The following CHRDL1 variants were observed in gnomAD, a reference collection of about 807,000 sequenced individuals.
CHRDL1 encodes the protein chordin-like protein 1.
A neutral mutation model predicts 40.9 loss-of-function variants in CHRDL1; 19 were observed. The ratio of observed to expected loss-of-function variants is 0.46; its 90% CI spans 0.32 to 0.68. The LOEUF (loss-of-function observed/expected upper bound fraction) is 0.68, where lower values mean the gene tolerates loss of function less well. Among genes scored for constraint, CHRDL1 ranks in the 30% least tolerant of loss-of-function variants. CHRDL1 has a pLI of 0.03. For synonymous variants in CHRDL1, 136 were observed against 123.4 expected (o/e 1.10, Z -0.68); for missense variants, 329 against 352.1 (o/e 0.93, Z 0.53).
chrX:110,701,775 C>T (rs2070519248), intron 6 of CHRDL1, among the ~76,000 whole-genome samples: 1 of 111,425 alleles, frequency 9.0e-6, no homozygotes, highest in South Asian at 3.8e-4. Flanking sequence ...GATGATGCTA[C>T]TGCATTCCAG....
At chrX:110,762,423 T>C (rs997195880) in intron 3 of CHRDL1, among the ~76,000 whole-genome samples, 57 of 111,397 alleles carry the variant, frequency 5.1e-4, no homozygotes, top group Non-Finnish European at 2.3e-4. Flanking sequence ...ACAACAGGCA[T>C]GTGCCACCAT....
intron 11 of CHRDL1, 89 bp from the exon 12 acceptor site, chrX:110,676,450 C>A: frequency 1.2e-6 from 1 of 865,040 alleles, no homozygotes; most frequent in Non-Finnish European, 1.6e-6. Flanking sequence ...CCCATGCTTA[C>A]CCACTTACTC....
At chrX:110,748,991 A>G (rs756169380) in intron 4 of CHRDL1, among the ~76,000 whole-genome samples, 2 of 111,721 alleles carry the variant, frequency 1.8e-5, no homozygotes, top group Non-Finnish European at 3.8e-5. Flanking sequence ...ACAAGAAAAT[A>G]ATCACAAATT....
chrX:110,751,805 A>G (rs1255219197), intron 4 of CHRDL1, among the ~76,000 whole-genome samples: 1 of 111,927 alleles, frequency 8.9e-6, no homozygotes, highest in Non-Finnish European at 1.9e-5. Flanking sequence ...CAGTGTATTA[A>G]AGGGATAGCT....
chrX:110,695,626 T>C (rs1338777865), intron 7 of CHRDL1, among the ~76,000 whole-genome samples: 1 of 112,115 alleles, frequency 8.9e-6, no homozygotes, highest in African/African-American at 3.3e-5. Context: ...TCACAGGCAA[T>C]TGAAAAGGAA....
intron 6 of CHRDL1, among the ~76,000 whole-genome samples, chrX:110,712,387 C>T (rs2070761744): frequency 9.0e-6 from 1 of 111,139 alleles, no homozygotes; most frequent in Non-Finnish European, 1.9e-5. Context: ...TAGGAAGAAA[C>T]ATAGCATGTA....
intron 7 of CHRDL1, among the ~76,000 whole-genome samples, chrX:110,696,046 G>T (rs759795484): frequency 3.6e-5 from 4 of 111,494 alleles, no homozygotes; most frequent in Non-Finnish European, 7.5e-5. Context: ...TTCCACAAAG[G>T]CCATTATAGG....
chrX:110,688,546 T>C (rs768557224), intron 9 of CHRDL1, 48 bp downstream of exon 9: 1 of 878,708 alleles, frequency 1.1e-6, no homozygotes, highest in Non-Finnish European at 1.7e-6. Flanking sequence ...TTAGAAAGAC[T>C]AGGTGAGAAT....
intron 6 of CHRDL1, among the ~76,000 whole-genome samples, chrX:110,703,984 C>T (rs1216220965): frequency 4.5e-5 from 5 of 110,369 alleles, no homozygotes; most frequent in African/African-American, 1.3e-4. Flanking sequence ...AGAGGGAGAG[C>T]GAAGGAGGGA....
At chrX:110,683,324 A>C (rs904876122) in intron 9 of CHRDL1, among the ~76,000 whole-genome samples, 5 of 109,035 alleles carry the variant, frequency 4.6e-5, no homozygotes, top group African/African-American at 1.7e-4. Context: ...CACACTCTGC[A>C]CTTCAAGGTG....
Position 110,754,885 on chromosome X carries a change from T to C in CHRDL1, c.301+4776A>G, listed in dbSNP as rs1371488400. On this transcript the variant is annotated intron_variant, in intron 4 of 11. Coordinates refer to ENST00000372042, the MANE Select transcript of CHRDL1 (RefSeq NM_001143981.2). ...TTTTAAAAAGCCCTCTTAGATAATA[T>C]CATGATTTAGACTCCTGATCACTAT... Among the ~76,000 whole-genome samples the C allele has an allele frequency of 4.5e-5, 5 of 110,653 alleles. No individual in the cohort carries two copies. In the Admixed American group the frequency reaches 4.8e-4, roughly 11 times the overall value.
At chrX:110,725,122 G>GA (rs902875613) in intron 4 of CHRDL1, among the ~76,000 whole-genome samples, 1 of 111,785 alleles carries the variant, frequency 8.9e-6, no homozygotes, top group African/African-American at 3.3e-5. Context: ...GAGGACTGGA[G>GA]AAAAAACCAT....
Position 110,676,106 on chromosome X carries a change from C to A in CHRDL1, c.*125G>T, listed in dbSNP as rs754271692. 2 of 668,359 alleles carry A rather than the reference C, an allele frequency of 3.0e-6. No individual in the cohort carries two copies. The highest frequency in any genetic ancestry group is 4.5e-6 in the Non-Finnish European group (2 of 443,205). 55.1% of individuals were successfully genotyped at this position (668,359 alleles called of 1,213,427 possible). ...AAGGAGCAAATTATGCTGTGCATGG[C>A]GTGAATAATTGACTGCATTTGAGTT... On this transcript the variant is annotated 3_prime_UTR_variant, in exon 12 of 12. Coordinates refer to ENST00000372042, the MANE Select transcript of CHRDL1 (RefSeq NM_001143981.2).
chrX:110,791,990 C>T (rs5985553), intron 2 of CHRDL1, 98 bp downstream of exon 2: 134 of 493,781 alleles, frequency 2.7e-4, no homozygotes, highest in African/African-American at 2.7e-3. Context: ...AATAATGGCA[C>T]GGCCACATTT....
chrX:110,782,545 C>T (rs187293450), intron 2 of CHRDL1, among the ~76,000 whole-genome samples: 254 of 112,342 alleles, frequency 2.3e-3, no homozygotes, highest in African/African-American at 7.7e-3. Flanking sequence ...ACCTTTTTAA[C>T]ACAACTTTAA....
At chrX:110,747,765 TCAC>T (rs2089285129) in intron 4 of CHRDL1, among the ~76,000 whole-genome samples, 1 of 112,462 alleles carries the variant, frequency 8.9e-6, no homozygotes, top group Non-Finnish European at 1.9e-5. Context: ...GGAGGTCAAC[TCAC>T]CACCATGCTG....
rs766668448 is a variant in CHRDL1, at chrX:110,675,975, T to A, written c.*256A>T. 2.4e-4 allele frequency: 60 copies of A among 248,815 alleles called. No individual in the cohort carries two copies. The highest frequency in any genetic ancestry group is 3.9e-4 in the Non-Finnish European group (55 of 140,783). The allele number at this position is 248,815 out of a possible 1,213,427, so 20.5% of individuals were successfully genotyped here. The stretch of plus-strand genomic sequence containing the variant: ...AAAGAAATGTGATTCTCCAAGAAAC[T>A]AGAGCAGTGTTGTGATGTTCTATCC... On this transcript the variant is annotated 3_prime_UTR_variant, in exon 12 of 12. Transcript: ENST00000372042.
At chrX:110,754,461 T>C (rs1316514752) in intron 4 of CHRDL1, among the ~76,000 whole-genome samples, 2 of 112,483 alleles carry the variant, frequency 1.8e-5, no homozygotes, top group Non-Finnish European at 3.8e-5. Context: ...ATGTGCATAT[T>C]GTATTGTGGC....
intron 4 of CHRDL1, among the ~76,000 whole-genome samples, chrX:110,733,610 T>TAG (rs2071207582): frequency 9.0e-6 from 1 of 111,682 alleles, no homozygotes; most frequent in Non-Finnish European, 1.9e-5. Flanking sequence ...GCTCTAGCAT[T>TAG]AGAACACAGC....
Sources: allele counts gnomAD v4.1 joint callset (sites outside exome capture counted in the v4.1 genomes callset), GRCh38; gene constraint gnomAD v4.1.1; transcripts MANE v1.5; gene names NCBI Gene and HGNC (gene_info 2026-07-23, HGNC 2026-07-21).